The following SLC30A5 variants were observed in gnomAD, a reference collection of about 807,000 sequenced individuals.
The protein encoded by SLC30A5 is solute carrier family 30 member 5.
A neutral mutation model predicts 79.6 loss-of-function variants in SLC30A5; 33 were observed. The ratio of observed to expected loss-of-function variants is 0.41; its 90% confidence interval spans 0.31 to 0.55. SLC30A5 has a LOEUF of 0.55. Ranked by LOEUF, SLC30A5 falls within the 20% of genes least tolerant of loss-of-function variation. SLC30A5 has a pLI of 0.20. For missense variants in SLC30A5, 788 were observed against 928.1 expected (o/e 0.85, Z 1.96); for synonymous variants, 299 against 319.7 (o/e 0.94, Z 0.69).
At chr5:69,120,029 A>AG (rs1399402533) in intron 12 of SLC30A5, among the ~76,000 whole-genome samples, 1 of 151,722 alleles carries the variant, frequency 6.6e-6, no homozygotes, top group Non-Finnish European at 1.5e-5. Context: ...AAAAAAAAAA[A>AG]AAAAAAAAGT....
Position 69,108,443 on chromosome 5 carries a change from T to G in SLC30A5, c.447+7T>G. 2.5e-6 allele frequency: 4 copies of G among 1,594,452 alleles called. No homozygotes were observed. The highest frequency in any genetic ancestry group is 3.4e-6 in the Non-Finnish European group (4 of 1,162,410). On this transcript the variant is annotated splice_region_variant and intron_variant, in intron 5 of 15. Coordinates refer to ENST00000396591, the MANE Select transcript of SLC30A5 (RefSeq NM_022902.5). ...TGGAGGAGGACCAGCAAAGGTAGAA[T>G]TTTCCATTATCAGTTACTTGGAAAT...
Position 69,118,498 on chromosome 5 carries a change from G to C in SLC30A5, c.1440-1G>C. The C allele has an allele frequency of 6.3e-7, 1 of 1,593,858 alleles. No individual in the cohort carries two copies. Among genetic ancestry groups the C allele is most frequent in the East Asian group, 2.3e-5 (1 of 43,388 alleles). On this transcript the variant is annotated splice_acceptor_variant, in intron 11 of 15. Coordinates refer to ENST00000396591, the MANE Select transcript of SLC30A5 (RefSeq NM_022902.5). LOFTEE classifies it high-confidence loss of function. The stretch of plus-strand genomic sequence containing the variant: ...TTCTGAAAAATGTTCTATGTTTTTA[G>C]GTACGGCCGAATAGAAATTCTGTCT...
chr5:69,104,018 T>A, intron 3 of SLC30A5: 1 of 1,571,910 alleles, frequency 6.4e-7, no homozygotes, highest in South Asian at 1.2e-5. Flanking sequence ...AAAAGTTAAA[T>A]GATCCTAGGA....
intron 6 of SLC30A5, among the ~76,000 whole-genome samples, chr5:69,113,905 C>T (rs181848592): frequency 9.2e-5 from 14 of 152,176 alleles, no homozygotes; most frequent in Non-Finnish European, 1.6e-4. Context: ...TTTGGAAAAG[C>T]TCCAGGTTGC....
At chr5:69,122,119 A>G (rs1746552353) in intron 13 of SLC30A5, among the ~76,000 whole-genome samples, 1 of 152,222 alleles carries the variant, frequency 6.6e-6, no homozygotes, top group African/African-American at 2.4e-5. Flanking sequence ...TCTGGCTGGG[A>G]GCATGGTGGT....
At chr5:69,104,750 G>C (rs753799410) in intron 4 of SLC30A5, 34 bp downstream of exon 4, 3 of 1,582,304 alleles carry the variant, frequency 1.9e-6, no homozygotes, top group Non-Finnish European at 2.6e-6. Flanking sequence ...ATGTGTGTTT[G>C]TATTTCTTCA....
intron 6 of SLC30A5, 79 bp from the exon 7 acceptor site, chr5:69,114,340 TG>T (rs2111972522): frequency 1.2e-6 from 1 of 809,768 alleles, no homozygotes; most frequent in East Asian, 2.4e-5. Flanking sequence ...TCCAAAATAA[TG>T]TAACTAAAAT....
chr5:69,124,150 C>T (rs1746611606), intron 14 of SLC30A5, among the ~76,000 whole-genome samples: 1 of 146,004 alleles, frequency 6.8e-6, no homozygotes, highest in Non-Finnish European at 1.5e-5. Flanking sequence ...TTGGTCCTTG[C>T]ACAAGAATAA....
intron 3 of SLC30A5, among the ~76,000 whole-genome samples, chr5:69,103,585 G>A (rs192210754): frequency 1.2e-4 from 19 of 152,266 alleles, no homozygotes; most frequent in Admixed American, 5.9e-4. Context: ...TTTGCTCACT[G>A]TAAAATGGAG....
chr5:69,129,593 C>T lies in SLC30A5; in HGVS notation c.2274C>T (p.Cys758=), dbSNP rs1217675511. 1.2e-6 allele frequency: 2 copies of T among 1,612,506 alleles called. No individual in the cohort carries two copies. The highest frequency in any genetic ancestry group is 1.7e-6 in the Non-Finnish European group (2 of 1,179,356). The change falls in exon 16 of 16, where the codon TGC becomes TGT. Residue 758 remains cysteine (C), a synonymous_variant. Coordinates refer to ENST00000396591, the MANE Select transcript of SLC30A5 (RefSeq NM_022902.5). ...AACAAATGGAATCCATGAAATACTG[C>T]AAAGATGGTACTTACATCATGTGAG... ...MTKQMESMKY[C]KDGTYIM is the part of the protein sequence containing the mutation.
chr5:69,123,502 C>A, intron 14 of SLC30A5, 77 bp downstream of exon 14: 3 of 1,084,250 alleles, frequency 2.8e-6, no homozygotes, highest in Non-Finnish European at 4.1e-6. Flanking sequence ...GTAAAACAGA[C>A]AACCAAATAA....
At chr5:69,106,857 T>C (rs910647334) in intron 4 of SLC30A5, among the ~76,000 whole-genome samples, 28 of 152,160 alleles carry the variant, frequency 1.8e-4, no homozygotes, top group Non-Finnish European at 2.9e-4. Context: ...TTTCTGTTTT[T>C]AATTTTTTTT....
At chr5:69,095,650 T>A (rs1047766355) in intron 1 of SLC30A5, among the ~76,000 whole-genome samples, 2 of 152,230 alleles carry the variant, frequency 1.3e-5, no homozygotes, top group African/African-American at 4.8e-5. Flanking sequence ...TCTTGAGACA[T>A]GACAACTAAA....
At chr5:69,107,370 CT>C (rs943015035) in intron 4 of SLC30A5, among the ~76,000 whole-genome samples, 2 of 151,632 alleles carry the variant, frequency 1.3e-5, no homozygotes, top group East Asian at 3.9e-4. Flanking sequence ...TTACAGTTAA[CT>C]TTTTTTTTGT....
chr5:69,127,904 A>C, intron 14 of SLC30A5, 100 bp from the exon 15 acceptor site: 1 of 1,018,322 alleles, frequency 9.8e-7, no homozygotes, highest in Non-Finnish European at 1.5e-6. Flanking sequence ...GTGATCCTGG[A>C]CCAAGGAATC....
rs1200377035 is a variant in SLC30A5, at chr5:69,128,039, C to T, written c.2034C>T (p.Asp678=). 2.5e-6 allele frequency: 4 copies of T among 1,611,516 alleles called. No homozygotes were observed. The highest frequency in any genetic ancestry group is 3.3e-4 in the Middle Eastern group (2 of 6,062). ...QKIEGLISYR[D]PHFWRHSASI... is the part of the protein sequence containing the mutation. The stretch of plus-strand genomic sequence containing the variant: ...TTGAAGGATTAATATCATACCGAGA[C>T]CCTCATTTTTGGCGTCATTCTGCTA... The change falls in exon 15 of 16, where the codon GAC becomes GAT. Residue 678 remains aspartate (D), a synonymous_variant. Transcript: ENST00000396591.
intron 11 of SLC30A5, 152 bp downstream of exon 11, chr5:69,117,548 A>G (rs1746404724): frequency 1.4e-6 from 1 of 696,218 alleles, no homozygotes; most frequent in Non-Finnish European, 2.3e-6. Context: ...TGAATCGGGC[A>G]TTTGATAAAT....
At chr5:69,128,322 G>A (rs1746760586) in intron 15 of SLC30A5, among the ~76,000 whole-genome samples, 190 bp downstream of exon 15, 1 of 147,786 alleles carries the variant, frequency 6.8e-6, no homozygotes, top group South Asian at 2.1e-4. Flanking sequence ...CGTGATCTCG[G>A]CCCACTGCAA....
At chr5:69,118,392 T>G in intron 11 of SLC30A5, 107 bp from the exon 12 acceptor site, 1 of 701,746 alleles carries the variant, frequency 1.4e-6, no homozygotes, top group South Asian at 2.2e-5. Flanking sequence ...TTTCTATTAT[T>G]AATTACTTAG....
Sources: gnomAD v4.1 joint callset for allele counts (sites outside exome capture counted in the v4.1 genomes callset) on GRCh38, gnomAD v4.1.1 for gene constraint, MANE v1.5 for transcripts, NCBI Gene and HGNC (gene_info 2026-07-23, HGNC 2026-07-21) for gene names.